The following RAB28 variants were observed in gnomAD, a reference collection of about 807,000 sequenced individuals.
The protein encoded by RAB28 is RAB28, member RAS oncogene family.
Under a neutral mutation model 31.7 loss-of-function variants are expected in RAB28, and 24 were observed. The ratio of observed to expected loss-of-function variants is 0.76; its 90% CI spans 0.55 to 1.06. The LOEUF (loss-of-function observed/expected upper bound fraction) is 1.06. RAB28 is among the 50% of genes least tolerant of loss of function. The probability of loss-of-function intolerance (pLI) is 0.00; values close to 1 mark genes in which losing one functional copy is unlikely to be tolerated. For synonymous variants in RAB28, 100 were observed against 90.4 expected (o/e 1.11, Z -0.60); for missense variants, 254 against 258.5 (o/e 0.98, Z 0.12).
intron 4 of RAB28, among the ~76,000 whole-genome samples, chr4:13,446,530 T>TA (rs1191724151): frequency 1.3e-5 from 2 of 152,120 alleles, no homozygotes; most frequent in African/African-American, 4.8e-5. Flanking sequence ...CCATGGATTG[T>TA]AAAAATCTGT....
intron 4 of RAB28, among the ~76,000 whole-genome samples, chr4:13,448,612 T>C (rs1488907662): frequency 6.6e-6 from 1 of 152,076 alleles, no homozygotes; most frequent in Non-Finnish European, 1.5e-5. Context: ...ATTGATATTA[T>C]GAAACAGCAC....
chr4:13,475,158 A>G (rs990516678), intron 2 of RAB28, among the ~76,000 whole-genome samples: 98 of 151,744 alleles, frequency 6.5e-4, no homozygotes, highest in African/African-American at 2.2e-3. Flanking sequence ...CCATACAAGC[A>G]TTGTAAAAGC....
chr4:13,428,733 G>C (rs1316431338), intron 4 of RAB28, among the ~76,000 whole-genome samples: 1 of 152,136 alleles, frequency 6.6e-6, no homozygotes, highest in African/African-American at 2.4e-5. Context: ...AAGGTTATTT[G>C]AGGAAATAAC....
At chr4:13,440,965 G>A (rs1714382310) in intron 4 of RAB28, among the ~76,000 whole-genome samples, 1 of 152,224 alleles carries the variant, frequency 6.6e-6, no homozygotes, top group East Asian at 1.9e-4. Context: ...TAAGGATTAA[G>A]ATTAGGAATG....
intron 4 of RAB28, chr4:13,459,927 C>T (rs1356344147): frequency 7.8e-7 from 1 of 1,287,782 alleles, no homozygotes; most frequent in South Asian, 1.2e-5. Flanking sequence ...TTTCCTAGAC[C>T]ACAGGAAGCC....
At chr4:13,401,990 T>C (rs1331344356) in intron 4 of RAB28, among the ~76,000 whole-genome samples, 2 of 152,234 alleles carry the variant, frequency 1.3e-5, no homozygotes, top group African/African-American at 2.4e-5. Flanking sequence ...TTCAATTCAA[T>C]GTATTTCCTC....
chr4:13,481,741 T>C (rs1716615742), intron 1 of RAB28, among the ~76,000 whole-genome samples: 1 of 152,106 alleles, frequency 6.6e-6, no homozygotes, highest in African/African-American at 2.4e-5. Context: ...AAATTTCTCT[T>C]GGAGAAACTG....
intron 4 of RAB28, among the ~76,000 whole-genome samples, chr4:13,422,569 C>G (rs1188495067): frequency 6.6e-6 from 1 of 152,062 alleles, no homozygotes; most frequent in Non-Finnish European, 1.5e-5. Flanking sequence ...ACTATGCAGC[C>G]ATAAAAAAGG....
At chr4:13,391,527 C>T (rs747604872) in intron 4 of RAB28, among the ~76,000 whole-genome samples, 2 of 152,138 alleles carry the variant, frequency 1.3e-5, no homozygotes, top group African/African-American at 4.8e-5. Flanking sequence ...ACTAGAAATA[C>T]CATTTGACCC....
At chr4:13,419,646 T>C (rs1447400783) in intron 4 of RAB28, among the ~76,000 whole-genome samples, 1 of 152,188 alleles carries the variant, frequency 6.6e-6, no homozygotes, top group Non-Finnish European at 1.5e-5. Context: ...TGCTCCTGAA[T>C]GACTACTGGG....
intron 4 of RAB28, among the ~76,000 whole-genome samples, chr4:13,400,596 T>C (rs1352863375): frequency 2.0e-5 from 3 of 152,150 alleles, no homozygotes; most frequent in East Asian, 1.9e-4. Context: ...AAAAATAGTG[T>C]TGAATAGGAG....
At chr4:13,371,560 TAAC>T (rs1342130353) in intron 6 of RAB28, 1 of 985,128 alleles carries the variant, frequency 1.0e-6, no homozygotes. Context: ...AATGAAGAAT[TAAC>T]AAGACAGCAT....
At chr4:13,457,858 C>A (rs1199661202) in intron 4 of RAB28, among the ~76,000 whole-genome samples, 3 of 152,052 alleles carry the variant, frequency 2.0e-5, no homozygotes, top group African/African-American at 4.8e-5. Context: ...TACACATTAT[C>A]CCTAGTGGTA....
At position 13,421,537 on chromosome 4, in the gene RAB28, G is replaced by T. The variant is rs982169061; in HGVS notation, c.391+39162C>A. On this transcript the variant is annotated intron_variant, in intron 4 of 6. Transcript: ENST00000330852. ...AAGGCTACAGTAACCAAAACAACAT[G>T]GTACTGTACCAAAAGAGAGATAGAA... Among the ~76,000 whole-genome samples, 41 of 152,178 alleles carry T rather than the reference G, an allele frequency of 2.7e-4. 1 individual carries two copies. The highest frequency in any genetic ancestry group is 9.4e-4 in the African/African-American group (39 of 41,510).
chr4:13,406,099 C>T (rs1712066163), intron 4 of RAB28, among the ~76,000 whole-genome samples: 1 of 151,768 alleles, frequency 6.6e-6, no homozygotes, highest in South Asian at 2.1e-4. Context: ...TTTGCTGCAC[C>T]CATCAACTCG....
chr4:13,412,175 T>C lies in RAB28; in HGVS notation c.392-30581A>G, dbSNP rs146669972. ...TAAAATCAAGAAAGGATGACTATGG[T>C]TAAGAGCGTAAAAGCTAACAGAGGA... is the stretch of plus-strand genomic sequence containing the variant. On this transcript the variant is annotated intron_variant, in intron 4 of 6. Transcript: ENST00000330852. Among the ~76,000 whole-genome samples the C allele has an allele frequency of 1.4e-3, 219 of 152,198 alleles. 2 individuals are homozygous for C. Among genetic ancestry groups the C allele is most frequent in the African/African-American group, 5.1e-3 (210 of 41,518 alleles).
chr4:13,437,737 T>C (rs924405738), intron 4 of RAB28, among the ~76,000 whole-genome samples: 2 of 152,168 alleles, frequency 1.3e-5, no homozygotes, highest in African/African-American at 4.8e-5. Context: ...GAAATACTTA[T>C]ACACTGTTGT....
At chr4:13,483,242 C>T (rs934189492) in intron 1 of RAB28, among the ~76,000 whole-genome samples, 1 of 152,102 alleles carries the variant, frequency 6.6e-6, no homozygotes, top group African/African-American at 2.4e-5. Flanking sequence ...GGGGTAGGAG[C>T]CCCTGCCTAG....
intron 4 of RAB28, among the ~76,000 whole-genome samples, chr4:13,458,689 G>A (rs1245823013): frequency 1.3e-5 from 2 of 152,114 alleles, no homozygotes; most frequent in Non-Finnish European, 2.9e-5. Context: ...TTATAATGGA[G>A]CTTTTATACC....
Sources: gnomAD v4.1 joint callset for allele counts (sites outside exome capture counted in the v4.1 genomes callset) on GRCh38, gnomAD v4.1.1 for gene constraint, MANE v1.5 for transcripts, NCBI Gene and HGNC (gene_info 2026-07-23, HGNC 2026-07-21) for gene names.